Variants in PTPRD observed in about 807,000 individuals in gnomAD.
PTPRD encodes the protein protein tyrosine phosphatase receptor type D.
PTPRD carries 34 observed loss-of-function variants against 214.5 expected under a neutral mutation model. The observed-to-expected ratio is 0.16, with a 90% CI of 0.12 to 0.21. The LOEUF (loss-of-function observed/expected upper bound fraction) is 0.21. PTPRD is among the 10% of genes least tolerant of loss of function. The pLI is 1.00. For synonymous variants in PTPRD, 1,128 were observed against 845.7 expected (o/e 1.33, Z -5.79); for missense variants, 2,545 against 2,398.7 (o/e 1.06, Z -1.27).
chr9:9,180,970 T>C (rs1278053883), intron 10 of PTPRD, among the ~76,000 whole-genome samples: 2 of 152,098 alleles, frequency 1.3e-5, no homozygotes, highest in Non-Finnish European at 2.9e-5. Context: ...TATGTAAATA[T>C]TAATTTGTAA....
At chr9:10,608,205 T>TG (rs1234311833) in intron 2 of PTPRD, among the ~76,000 whole-genome samples, 3 of 151,942 alleles carry the variant, frequency 2.0e-5, no homozygotes, top group African/African-American at 7.2e-5. Context: ...GATTTCAGAG[T>TG]GGGAAAAAGG....
chr9:8,435,444 C>A (rs2095304100), intron 35 of PTPRD, among the ~76,000 whole-genome samples: 1 of 152,128 alleles, frequency 6.6e-6, no homozygotes, highest in South Asian at 2.1e-4. Context: ...TAACGACTCC[C>A]AGTAAGTAAA....
chr9:9,947,671 G>T (rs1191669668), intron 4 of PTPRD, among the ~76,000 whole-genome samples: 1 of 105,230 alleles, frequency 9.5e-6, no homozygotes, highest in Non-Finnish European at 1.8e-5. Flanking sequence ...CATGTAGGTA[G>T]TAAAAGGTCA....
chr9:8,830,606 A>G (rs1453366353), intron 11 of PTPRD, among the ~76,000 whole-genome samples: 3 of 152,136 alleles, frequency 2.0e-5, no homozygotes, highest in Non-Finnish European at 2.9e-5. Flanking sequence ...CCCCCCAGTG[A>G]GGAGTGTGCA....
At chr9:8,795,737 A>T (rs542164666) in intron 11 of PTPRD, among the ~76,000 whole-genome samples, 117 of 152,200 alleles carry the variant, frequency 7.7e-4, no homozygotes, top group Non-Finnish European at 1.5e-3. Context: ...ACAAAGTCTT[A>T]TTTATGAAGT....
At chr9:9,610,496 A>T (rs1186060165) in intron 7 of PTPRD, among the ~76,000 whole-genome samples, 1 of 152,228 alleles carries the variant, frequency 6.6e-6, no homozygotes, top group Non-Finnish European at 1.5e-5. Flanking sequence ...TTACACATTA[A>T]TTGCAATTAA....
intron 2 of PTPRD, among the ~76,000 whole-genome samples, chr9:10,528,871 A>G (rs2055178341): frequency 6.6e-6 from 1 of 152,194 alleles, no homozygotes; most frequent in South Asian, 2.1e-4. Context: ...TTTTTAAAAG[A>G]AATTAAACAT....
chr9:10,515,273 A>C (rs893603940), intron 2 of PTPRD, among the ~76,000 whole-genome samples: 11 of 152,110 alleles, frequency 7.2e-5, no homozygotes, highest in African/African-American at 2.6e-4. Context: ...TGAGAAAAGA[A>C]GAGAAATATA....
chr9:8,803,019 T>C (rs2096602979), intron 11 of PTPRD, among the ~76,000 whole-genome samples: 1 of 152,086 alleles, frequency 6.6e-6, no homozygotes, highest in African/African-American at 2.4e-5. Flanking sequence ...ACAGCACCAT[T>C]GTACTCCGGC....
chr9:8,842,251 T>A (rs2097573276), intron 11 of PTPRD, among the ~76,000 whole-genome samples: 1 of 152,216 alleles, frequency 6.6e-6, no homozygotes, highest in Admixed American at 6.5e-5. Flanking sequence ...TCTCAAGTTC[T>A]GTGACCAAAT....
chr9:9,360,646 A>G (rs1206437282), intron 9 of PTPRD, among the ~76,000 whole-genome samples: 1 of 151,182 alleles, frequency 6.6e-6, no homozygotes. Flanking sequence ...ATAACAATCT[A>G]GTCATGGTAT....
chr9:9,416,944 A>G (rs1300903387), intron 8 of PTPRD, among the ~76,000 whole-genome samples: 1 of 152,156 alleles, frequency 6.6e-6, no homozygotes, highest in Non-Finnish European at 1.5e-5. Context: ...CACAATATAA[A>G]TTGTGTCTGC....
intron 21 of PTPRD, among the ~76,000 whole-genome samples, chr9:8,515,950 A>G (rs186281783): frequency 2.6e-5 from 4 of 152,304 alleles, no homozygotes; most frequent in Admixed American, 2.6e-4. Flanking sequence ...GATGACATAA[A>G]TCACCTAAGG....
At chr9:9,139,867 A>T (rs535721937) in intron 10 of PTPRD, among the ~76,000 whole-genome samples, 2 of 152,316 alleles carry the variant, frequency 1.3e-5, no homozygotes, top group Middle Eastern at 6.8e-3. Flanking sequence ...AGGGAGATGC[A>T]TATTTAATAT....
At chr9:9,829,933 A>G (rs2054256550) in intron 5 of PTPRD, among the ~76,000 whole-genome samples, 1 of 151,752 alleles carries the variant, frequency 6.6e-6, no homozygotes, top group South Asian at 2.1e-4. Flanking sequence ...TTCATTTAAC[A>G]AATTTTTACT....
At chr9:8,971,021 T>C (rs1456069561) in intron 11 of PTPRD, among the ~76,000 whole-genome samples, 1 of 147,632 alleles carries the variant, frequency 6.8e-6, no homozygotes, top group Admixed American at 6.7e-5. Flanking sequence ...AGCATTTTCA[T>C]AGAAATTCAG....
chr9:8,733,669 C>G, intron 12 of PTPRD, 111 bp downstream of exon 12: 1 of 1,149,126 alleles, frequency 8.7e-7, no homozygotes, highest in Non-Finnish European at 1.3e-6. Flanking sequence ...CGCAGTGTCT[C>G]AGGATTTACT....
chr9:9,662,269 G>A (rs1376410295), intron 7 of PTPRD, among the ~76,000 whole-genome samples: 3 of 151,636 alleles, frequency 2.0e-5, no homozygotes, highest in South Asian at 2.1e-4. Flanking sequence ...ATTGTTCTGG[G>A]AGTGACATTC....
intron 3 of PTPRD, among the ~76,000 whole-genome samples, chr9:10,298,184 T>C (rs183175753): frequency 4.7e-4 from 72 of 152,290 alleles, no homozygotes; most frequent in Admixed American, 1.3e-3. Flanking sequence ...ATCTTCTTTA[T>C]TTTCTGCAAT....
Sources: gnomAD v4.1 joint callset for allele counts (sites outside exome capture counted in the v4.1 genomes callset) on GRCh38, gnomAD v4.1.1 for gene constraint, MANE v1.5 for transcripts, NCBI Gene and HGNC (gene_info 2026-07-23, HGNC 2026-07-21) for gene names.